The following LPCAT2 variants were observed in gnomAD, a reference collection of about 807,000 sequenced individuals.
The protein encoded by LPCAT2 is lysophosphatidylcholine acyltransferase 2.
LPCAT2 carries 58 observed loss-of-function variants against 64.7 expected under a neutral mutation model. That is an observed-to-expected ratio of 0.90 (90% CI 0.73 to 1.12). The LOEUF is 1.12. LPCAT2 is among the 50% of genes most tolerant of loss of function. The pLI, the probability that LPCAT2 is intolerant of heterozygous loss-of-function variation, is 0.00. For synonymous variants in LPCAT2, 252 were observed against 245.3 expected (o/e 1.03, Z -0.26); for missense variants, 579 against 669.8 (o/e 0.86, Z 1.50).
chr16:55,574,921 G>T lies in LPCAT2; in HGVS notation c.1314+192G>T, dbSNP rs1002823005. On this transcript the variant is annotated intron_variant, in intron 12 of 13. Transcript: ENST00000262134. The stretch of plus-strand genomic sequence containing the variant: ...ACACAAGCATTTATTTAAGCAAAAA[G>T]TTTCTAGAAGTAGCCTAATTAACAA... Among the ~76,000 whole-genome samples the T allele has an allele frequency of 2.0e-5, 3 of 152,176 alleles. No homozygotes were observed. The East Asian group carries it at 5.8e-4, about 29-fold the overall frequency.
intron 1 of LPCAT2, among the ~76,000 whole-genome samples, chr16:55,518,740 G>A (rs1488205316): frequency 2.0e-5 from 3 of 152,196 alleles, no homozygotes; most frequent in Non-Finnish European, 4.4e-5. Context: ...GGAGAAGGAA[G>A]TTAGGTCCTT....
chr16:55,579,109 C>T lies in LPCAT2; in HGVS notation c.1315C>T (p.Leu439=). The change falls in exon 13 of 14, where the codon CTG becomes TTG. Residue 439 remains leucine (L), a splice_region_variant and synonymous_variant. Coordinates refer to ENST00000262134, the MANE Select transcript of LPCAT2 (RefSeq NM_017839.5). ...AATTCTTACATTTTATTTTCTTCAG[C>T]TGTTTGACGTTGATGAGGATGGCTA... The part of the protein sequence containing the change: ...TEEIIQVAFK[L]FDVDEDGYIT... 1 of 1,612,174 alleles carries T rather than the reference C, an allele frequency of 6.2e-7. No individual in the cohort carries two copies. The highest frequency in any genetic ancestry group is 8.5e-7 in the Non-Finnish European group (1 of 1,179,096).
intron 1 of LPCAT2, among the ~76,000 whole-genome samples, chr16:55,510,167 T>C (rs1456727639): frequency 6.6e-6 from 1 of 151,916 alleles, no homozygotes; most frequent in African/African-American, 2.4e-5. Context: ...AAGGGACAAC[T>C]GAGTCAGCTT....
intron 11 of LPCAT2, among the ~76,000 whole-genome samples, chr16:55,570,507 C>T (rs1378709317): frequency 1.3e-5 from 2 of 152,102 alleles, no homozygotes; most frequent in Non-Finnish European, 2.9e-5. Context: ...AGTTGGCGCA[C>T]ACCTGTAGTC....
chr16:55,519,508 CAA>C (rs34058877), intron 1 of LPCAT2, among the ~76,000 whole-genome samples: 1 of 123,742 alleles, frequency 8.1e-6, no homozygotes. Context: ...GACTCCATCA[CAA>C]AAAAAAAAAG....
chr16:55,558,545 T>C (rs1744496802), intron 11 of LPCAT2, among the ~76,000 whole-genome samples: 1 of 152,218 alleles, frequency 6.6e-6, no homozygotes, highest in Admixed American at 6.5e-5. Context: ...ACACTACATC[T>C]CAAGATGCAT....
chr16:55,544,916 G>T (rs1252254843), intron 8 of LPCAT2, among the ~76,000 whole-genome samples: 1 of 152,148 alleles, frequency 6.6e-6, no homozygotes, highest in Non-Finnish European at 1.5e-5. Context: ...ATAATTGGGG[G>T]TAATAAGGGT....
intron 4 of LPCAT2, among the ~76,000 whole-genome samples, chr16:55,530,849 G>A (rs1247544035): frequency 1.3e-5 from 2 of 152,074 alleles, no homozygotes. Context: ...ACAACTTTCT[G>A]TCCAGAAGTG....
Position 55,549,410 on chromosome 16 carries a change from T to G in LPCAT2, c.1061+8T>G. On this transcript the variant is annotated splice_region_variant and intron_variant, in intron 10 of 13. Coordinates refer to ENST00000262134, the MANE Select transcript of LPCAT2 (RefSeq NM_017839.5). ...AATTAGCCGAAAATTGAAGTAAGTG[T>G]ATTTTAAAATGACTACACTTTCATA... 1 of 1,580,840 alleles carries G rather than the reference T, an allele frequency of 6.3e-7. No homozygotes were observed. Among genetic ancestry groups the G allele is most frequent in the African/African-American group, 1.4e-5 (1 of 72,516 alleles).
intron 2 of LPCAT2, among the ~76,000 whole-genome samples, chr16:55,527,479 CA>C (rs202093136): frequency 0.059 from 3,421 of 58,338 alleles, 71 homozygotes; most frequent in African/African-American, 0.14. Context: ...AACTCCATCT[CA>C]AAAAAAAAAA....
At chr16:55,513,961 A>C (rs1260536058) in intron 1 of LPCAT2, among the ~76,000 whole-genome samples, 5 of 152,176 alleles carry the variant, frequency 3.3e-5, no homozygotes, top group African/African-American at 7.2e-5. Context: ...CCAGCTATTC[A>C]GGAGGCTCAT....
Position 55,549,422 on chromosome 16 carries a change from A to G in LPCAT2, c.1061+20A>G, listed in dbSNP as rs1289446465. 3 of 1,572,414 alleles carry G rather than the reference A, an allele frequency of 1.9e-6. No homozygotes were observed. Among genetic ancestry groups the G allele is most frequent in the Non-Finnish European group, 2.6e-6 (3 of 1,166,468 alleles). ...ATTGAAGTAAGTGTATTTTAAAATG[A>G]CTACACTTTCATAAAGTTGTCCAAA... On this transcript the variant is annotated intron_variant, in intron 10 of 13. Transcript: ENST00000262134.
chr16:55,582,205 T>C (rs1014067389), intron 13 of LPCAT2, among the ~76,000 whole-genome samples: 12 of 152,118 alleles, frequency 7.9e-5, no homozygotes, highest in Admixed American at 7.2e-4. Context: ...AGTCAAGAAA[T>C]AGAGCTTTTC....
In LPCAT2 at chr16:55,583,190, G is replaced by T; in HGVS notation, c.*92G>T. On this transcript the variant is annotated 3_prime_UTR_variant, in exon 14 of 14. Coordinates refer to ENST00000262134, the MANE Select transcript of LPCAT2 (RefSeq NM_017839.5). ...ATACTTTTAATGTGTTGGTAATGAT[G>T]TTTAAAATTGAAAGATTTTTAAAAC... is the stretch of plus-strand genomic sequence containing the variant. 1 of 926,906 alleles carries T rather than the reference G, an allele frequency of 1.1e-6. No homozygotes were observed. The allele number at this position is 926,906 out of a possible 1,614,324, so 57.4% of individuals were successfully genotyped here.
At chr16:55,570,558 C>CG (rs1165865387) in intron 11 of LPCAT2, among the ~76,000 whole-genome samples, 1 of 151,950 alleles carries the variant, frequency 6.6e-6, no homozygotes. Flanking sequence ...CGCTTGAGCC[C>CG]GGGGGGTCCA....
chr16:55,528,339 T>A (rs1048092007), intron 2 of LPCAT2, 38 bp from the exon 3 acceptor site: 1 of 1,537,016 alleles, frequency 6.5e-7, no homozygotes, highest in Non-Finnish European at 9.0e-7. Context: ...CTAGCTTTAA[T>A]TAACAGAGCT....
At chr16:55,519,026 A>G (rs1963053676) in intron 1 of LPCAT2, among the ~76,000 whole-genome samples, 1 of 152,218 alleles carries the variant, frequency 6.6e-6, no homozygotes, top group Admixed American at 6.5e-5. Context: ...CAAATTATAC[A>G]TTTGATAAGA....
intron 1 of LPCAT2, among the ~76,000 whole-genome samples, chr16:55,516,336 C>T (rs1346786849): frequency 1.3e-5 from 2 of 152,294 alleles, no homozygotes; most frequent in East Asian, 3.9e-4. Flanking sequence ...AACTCCTGGG[C>T]TCAAGCAGTC....
chr16:55,542,816 G>C (rs1428379181), intron 8 of LPCAT2, among the ~76,000 whole-genome samples: 5 of 152,148 alleles, frequency 3.3e-5, no homozygotes. Flanking sequence ...ACTTAGCAGA[G>C]ATTAGAGTCA....
Sources: allele counts gnomAD v4.1 joint callset (sites outside exome capture counted in the v4.1 genomes callset), GRCh38; gene constraint gnomAD v4.1.1; transcripts MANE v1.5; gene names NCBI Gene and HGNC (gene_info 2026-07-23, HGNC 2026-07-21).